ERCC6L2: variants seen among roughly 807,000 people sequenced by gnomAD.
The protein encoded by ERCC6L2 is DNA excision repair protein ERCC-6-like 2.
Under a neutral mutation model 132.0 loss-of-function variants are expected in ERCC6L2, and 77 were observed. That is an observed-to-expected ratio of 0.58 (90% CI 0.49 to 0.71). ERCC6L2 has a LOEUF of 0.71. Among genes scored for constraint, ERCC6L2 ranks in the 30% least tolerant of loss-of-function variants. ERCC6L2 has a pLI of 0.00. For missense variants in ERCC6L2, 1,542 were observed against 1,837.6 expected, an observed-to-expected ratio of 0.84 and a Z score of 2.94; for synonymous variants, 583 against 632.4, an observed-to-expected ratio of 0.92 and a Z score of 1.17.
intron 2 of ERCC6L2, 46 bp downstream of exon 2, chr9:95,881,339 G>A: frequency 7.3e-7 from 1 of 1,366,054 alleles, no homozygotes; most frequent in Non-Finnish European, 9.9e-7. Flanking sequence ...CTGTGTACAT[G>A]AGTGGATACT....
chr9:96,018,468 TC>T (rs58849833), downstream of ERCC6L2, among the ~76,000 whole-genome samples: 36,187 of 151,350 alleles, frequency 0.24, 5,145 homozygotes, highest in East Asian at 0.39. Context: ...GCATTGTTTT[TC>T]TTTTTTTGTA....
At chr9:95,974,323 A>G (rs1458397493) in intron 16 of ERCC6L2, among the ~76,000 whole-genome samples, 3 of 152,184 alleles carry the variant, frequency 2.0e-5, no homozygotes, top group Non-Finnish European at 2.9e-5. Context: ...TTAGTATTAA[A>G]CTAAATATGT....
chr9:95,915,228 G>T (rs953568765), intron 4 of ERCC6L2, among the ~76,000 whole-genome samples: 3 of 152,128 alleles, frequency 2.0e-5, no homozygotes, highest in Admixed American at 2.0e-4. Context: ...TTGCTACTGG[G>T]GTAACAATCA....
chr9:96,024,648 T>A (rs1834338417), intron 19 of ERCC6L2, among the ~76,000 whole-genome samples: 1 of 152,064 alleles, frequency 6.6e-6, no homozygotes, highest in African/African-American at 2.4e-5. Flanking sequence ...CTCCACTCAC[T>A]CTCATGCTTT....
rs1213012104 is a variant in ERCC6L2, at chr9:96,014,962, G to A, written c.*1759G>A. The stretch of plus-strand genomic sequence containing the variant: ...TGTAGTTCAAACATTTTAATACCTT[G>A]TAAATTATGATATTCATATAAATAT... On this transcript the variant is annotated 3_prime_UTR_variant, in exon 19 of 19. Transcript: ENST00000653738. Among the ~76,000 whole-genome samples, 1 of 138,610 alleles carries A rather than the reference G, an allele frequency of 7.2e-6. No individual in the cohort carries two copies. Among genetic ancestry groups the A allele is most frequent in the African/African-American group, 2.7e-5 (1 of 37,250 alleles). 90.9% of individuals were successfully genotyped at this position (138,610 alleles called of 152,430 possible).
At chr9:96,019,411 C>G (rs891077683), downstream of ERCC6L2, among the ~76,000 whole-genome samples, 1 of 152,170 alleles carries the variant, frequency 6.6e-6, no homozygotes, top group African/African-American at 2.4e-5. Context: ...TCTCCGTCCA[C>G]CACTCCCTGC....
intron 18 of ERCC6L2, among the ~76,000 whole-genome samples, chr9:96,007,173 C>G (rs1240207660): frequency 6.6e-6 from 1 of 152,176 alleles, no homozygotes; most frequent in African/African-American, 2.4e-5. Flanking sequence ...AGCATATCCC[C>G]CAGCATTGCT....
intron 13 of ERCC6L2, among the ~76,000 whole-genome samples, chr9:95,962,845 A>T (rs1033283403): frequency 6.6e-6 from 1 of 152,176 alleles, no homozygotes; most frequent in African/African-American, 2.4e-5. Context: ...CAATGGGTTT[A>T]TCTAGATATA....
intron 19 of ERCC6L2, among the ~76,000 whole-genome samples, chr9:96,028,194 C>T (rs1347894832): frequency 1.3e-5 from 2 of 151,966 alleles, no homozygotes; most frequent in Non-Finnish European, 2.9e-5. Flanking sequence ...AAAAAAAAGT[C>T]CCTATCTGTG....
chr9:95,948,046 T>A (rs7847983), intron 12 of ERCC6L2, among the ~76,000 whole-genome samples: 40,825 of 152,158 alleles, frequency 0.27, 5,992 homozygotes, highest in East Asian at 0.4. Flanking sequence ...TGAACTCTTA[T>A]TATTTAAGAA....
chr9:96,029,369 T>G (rs1211054489), intron 19 of ERCC6L2, among the ~76,000 whole-genome samples: 1 of 148,266 alleles, frequency 6.7e-6, no homozygotes, highest in African/African-American at 2.5e-5. Flanking sequence ...TTAGTTAGGA[T>G]AAGACGTTAG....
At chr9:96,005,027 A>C (rs1001666684) in intron 18 of ERCC6L2, among the ~76,000 whole-genome samples, 3 of 152,238 alleles carry the variant, frequency 2.0e-5, no homozygotes, top group Admixed American at 6.5e-5. Flanking sequence ...GTGTAAAAAA[A>C]GGACAGCAGG....
chr9:95,915,104 C>G (rs940236829), intron 4 of ERCC6L2, among the ~76,000 whole-genome samples: 1 of 152,154 alleles, frequency 6.6e-6, no homozygotes, highest in Non-Finnish European at 1.5e-5. Flanking sequence ...TTAGATACAT[C>G]TGTGCTTTTC....
chr9:95,970,238 T>G (rs1039722896), intron 14 of ERCC6L2, among the ~76,000 whole-genome samples: 9 of 152,168 alleles, frequency 5.9e-5, no homozygotes, highest in Admixed American at 3.9e-4. Context: ...TGGGAATGGT[T>G]GTTATGGATA....
At position 95,932,745 on chromosome 9, in the gene ERCC6L2, G is replaced by A. The variant is rs376298346; in HGVS notation, c.1751+3881G>A. Among the ~76,000 whole-genome samples, 95 of 152,252 alleles carry A rather than the reference G, an allele frequency of 6.2e-4. 1 individual carries two copies. In the South Asian group the frequency reaches 0.019, roughly 31 times the overall value. ...AGACATGTTTGTAGAACATTAAGATGTAGTTAAGGTGTACTTTCTGATATA... is the reference window on the plus strand; with the variant it reads ...AGACATGTTTGTAGAACATTAAGATATAGTTAAGGTGTACTTTCTGATATA... On this transcript the variant is annotated intron_variant, in intron 11 of 18. Coordinates refer to ENST00000653738, the MANE Select transcript of ERCC6L2 (RefSeq NM_020207.7).
intron 16 of ERCC6L2, among the ~76,000 whole-genome samples, chr9:95,977,419 C>T (rs1021838289): frequency 3.9e-5 from 6 of 152,140 alleles, no homozygotes; most frequent in African/African-American, 1.4e-4. Context: ...TTGGTTCTAG[C>T]TTTCTCTTTT....
In ERCC6L2 at chr9:96,031,404, C is replaced by T. The variant is rs542170424; in HGVS notation, c.*1504-7472C>T. ...GTTCCTTGTATACCAAGGGCACCCACAGGTCTGTGCTAGGGGCCTTGAGGC... is the reference window on the plus strand; with the variant it reads ...GTTCCTTGTATACCAAGGGCACCCATAGGTCTGTGCTAGGGGCCTTGAGGC... On this transcript the variant is annotated intron_variant and NMD_transcript_variant, in intron 19 of 20. Transcript: ENST00000670016. Among the ~76,000 whole-genome samples, 13 of 152,352 alleles carry T rather than the reference C, an allele frequency of 8.5e-5. No individual in the cohort carries two copies. In the South Asian group the frequency reaches 1.0e-3, roughly 12 times the overall value.
chr9:96,033,174 C>T (rs1446902180), intron 19 of ERCC6L2, among the ~76,000 whole-genome samples: 1 of 152,014 alleles, frequency 6.6e-6, no homozygotes, highest in Non-Finnish European at 1.5e-5. Flanking sequence ...AGGATTTAGG[C>T]CCAGTCATTG....
chr9:95,967,759 T>A (rs1396796836), intron 14 of ERCC6L2: 2 of 152,146 alleles, frequency 1.3e-5, no homozygotes, highest in East Asian at 3.9e-4. Context: ...CTTTTTGGGG[T>A]TTTTTCCCCT....
Sources: gnomAD v4.1 joint callset for allele counts (sites outside exome capture counted in the v4.1 genomes callset) on GRCh38, gnomAD v4.1.1 for gene constraint, MANE v1.5 for transcripts, NCBI Gene and HGNC (gene_info 2026-07-23, HGNC 2026-07-21) for gene names.